The following ARAP2 variants were observed in gnomAD, a reference collection of about 807,000 sequenced individuals.
The protein encoded by ARAP2 is arf-GAP with Rho-GAP domain, ANK repeat and PH domain-containing protein 2.
A neutral mutation model predicts 194.5 loss-of-function variants in ARAP2; 148 were observed. The observed-to-expected ratio is 0.76, with a 90% CI of 0.67 to 0.87. The LOEUF is 0.87. Among genes scored for constraint, ARAP2 ranks in the 40% least tolerant of loss-of-function variants. ARAP2 has a pLI of 0.00. For missense variants in ARAP2, 2,128 were observed against 1,989.7 expected (o/e 1.07, Z -1.32); for synonymous variants, 695 against 683.5 (o/e 1.02, Z -0.26).
At chr4:36,176,769 T>C (rs1738018700) in intron 9 of ARAP2, among the ~76,000 whole-genome samples, 1 of 152,164 alleles carries the variant, frequency 6.6e-6, no homozygotes, top group Non-Finnish European at 1.5e-5. Flanking sequence ...GGCTAAGACA[T>C]CTTCTCCTCC....
intron 8 of ARAP2, among the ~76,000 whole-genome samples, chr4:36,184,276 CAT>C (rs10602029): frequency 0.86 from 128,209 of 148,572 alleles, 55,258 homozygotes; most frequent in East Asian, 0.95. Context: ...GATGCATAAA[CAT>C]ATATATATAT....
intron 26 of ARAP2, among the ~76,000 whole-genome samples, chr4:36,112,573 A>G (rs1720296959): frequency 6.6e-6 from 1 of 151,964 alleles, no homozygotes; most frequent in African/African-American, 2.4e-5. Flanking sequence ...AATTAAACAA[A>G]GACAAAAAAT....
chr4:36,191,503 T>G (rs1231868146), intron 7 of ARAP2, among the ~76,000 whole-genome samples: 1 of 150,998 alleles, frequency 6.6e-6, no homozygotes, highest in South Asian at 2.1e-4. Flanking sequence ...TTGTAGTTTA[T>G]CTAATGGCTG....
At chr4:36,145,964 C>A (rs1459770696) in intron 19 of ARAP2, among the ~76,000 whole-genome samples, 1 of 152,010 alleles carries the variant, frequency 6.6e-6, no homozygotes, top group Non-Finnish European at 1.5e-5. Context: ...CGCTTACTCA[C>A]CAGATCCACT....
At chr4:36,195,632 G>A (rs990855955) in intron 6 of ARAP2, among the ~76,000 whole-genome samples, 1 of 152,088 alleles carries the variant, frequency 6.6e-6, no homozygotes, top group Non-Finnish European at 1.5e-5. Flanking sequence ...TAACATCTGT[G>A]GGGGATAGAG....
At chr4:36,207,255 A>T (rs553495840) in intron 6 of ARAP2, among the ~76,000 whole-genome samples, 47 of 152,368 alleles carry the variant, frequency 3.1e-4, no homozygotes, top group African/African-American at 1.0e-3. Flanking sequence ...AAAGTGAAGA[A>T]GATGATTTAT....
intron 5 of ARAP2, among the ~76,000 whole-genome samples, chr4:36,043,138 T>G (rs1721161718): frequency 6.6e-6 from 1 of 152,142 alleles, no homozygotes. Flanking sequence ...CCACCCCACC[T>G]GCACTCTCTT....
At chr4:36,239,175 T>C (rs1006377421) in intron 1 of ARAP2, among the ~76,000 whole-genome samples, 2 of 150,232 alleles carry the variant, frequency 1.3e-5, no homozygotes, top group South Asian at 2.1e-4. Flanking sequence ...ACTTAGGAGG[T>C]TGAGACATGA....
intron 28 of ARAP2, among the ~76,000 whole-genome samples, chr4:36,084,853 GATA>G (rs1730448705): frequency 6.6e-6 from 1 of 151,790 alleles, no homozygotes; most frequent in Non-Finnish European, 1.5e-5. Flanking sequence ...TATCATAGTA[GATA>G]ATATGTTTTA....
At chr4:36,192,528 C>A (rs774641726) in intron 7 of ARAP2, among the ~76,000 whole-genome samples, 1 of 152,118 alleles carries the variant, frequency 6.6e-6, no homozygotes, top group East Asian at 1.9e-4. Context: ...CTGTCTCACT[C>A]CTGAGTAGTT....
At chr4:36,037,358 A>G (rs1323059465) in intron 5 of ARAP2, among the ~76,000 whole-genome samples, 1 of 152,110 alleles carries the variant, frequency 6.6e-6, no homozygotes, top group African/African-American at 2.4e-5. Flanking sequence ...CTTTGGCAGG[A>G]CCTGTACTTT....
chr4:36,056,989 A>AT (rs1723624942), intron 2 of ARAP2, among the ~76,000 whole-genome samples: 1 of 150,470 alleles, frequency 6.6e-6, no homozygotes, highest in African/African-American at 2.4e-5. Flanking sequence ...GTTTTACTGC[A>AT]TTTTGGCACT....
At chr4:36,075,827 C>G (rs1403138233) in intron 31 of ARAP2, among the ~76,000 whole-genome samples, 2 of 152,126 alleles carry the variant, frequency 1.3e-5, no homozygotes, top group Non-Finnish European at 2.9e-5. Flanking sequence ...AAACAAATTA[C>G]TCTGTACATC....
rs564359314 is a variant in ARAP2, at chr4:36,020,718, C to T, written n.608-1432G>A. Among the ~76,000 whole-genome samples, 8 of 152,340 alleles carry T rather than the reference C, an allele frequency of 5.3e-5. No individual in the cohort carries two copies. In the South Asian group the frequency reaches 1.7e-3, roughly 32 times the overall value. ...AAGTGAAACAGTGGATAAGTCGAGA[C>T]TGCTGGTTAGACTGCAGAGTGGGTG... On this transcript the variant is annotated intron_variant and non_coding_transcript_variant, in intron 5 of 12. Transcript: ENST00000503225.
At chr4:36,241,655 A>G (rs2109387064) in intron 1 of ARAP2, among the ~76,000 whole-genome samples, 1 of 152,360 alleles carries the variant, frequency 6.6e-6, no homozygotes, top group South Asian at 2.1e-4. Context: ...AAGTGCCAAT[A>G]AACAATACCA....
chr4:36,044,150 G>A (rs1399315240), intron 5 of ARAP2, among the ~76,000 whole-genome samples: 1 of 152,020 alleles, frequency 6.6e-6, no homozygotes, highest in African/African-American at 2.4e-5. Flanking sequence ...AAAAGGATGT[G>A]GAAAGAGTGA....
At chr4:36,170,047 T>G (rs960958184) in intron 9 of ARAP2, among the ~76,000 whole-genome samples, 3 of 152,192 alleles carry the variant, frequency 2.0e-5, no homozygotes, top group African/African-American at 7.2e-5. Context: ...TTAGAACATG[T>G]TTAGAATACT....
intron 9 of ARAP2, among the ~76,000 whole-genome samples, chr4:36,010,033 A>T (rs1477749936): frequency 6.6e-6 from 1 of 151,954 alleles, no homozygotes; most frequent in African/African-American, 2.4e-5. Flanking sequence ...TGTATACTGT[A>T]CTCAAAAGTT....
chr4:36,006,319 C>T (rs1713262732), intron 10 of ARAP2: 1 of 152,146 alleles, frequency 6.6e-6, no homozygotes, highest in South Asian at 2.1e-4. Flanking sequence ...GAAATAGTGT[C>T]TTAGACGTTT....
Sources: gnomAD v4.1 joint callset for allele counts (sites outside exome capture counted in the v4.1 genomes callset) on GRCh38, gnomAD v4.1.1 for gene constraint, MANE v1.5 for transcripts, NCBI Gene and HGNC (gene_info 2026-07-23, HGNC 2026-07-21) for gene names.